TMCC1: variants seen among roughly 807,000 people sequenced by gnomAD.
The protein encoded by TMCC1 is transmembrane and coiled-coil domain family 1, also known as transmembrane and coiled-coil domains protein 1.
TMCC1 carries 15 observed loss-of-function variants against 52.4 expected under a neutral mutation model. The ratio of observed to expected loss-of-function variants is 0.29; its 90% CI spans 0.19 to 0.44. The LOEUF (loss-of-function observed/expected upper bound fraction) is 0.44. Ranked by LOEUF, TMCC1 falls within the 20% of genes least tolerant of loss-of-function variation. The pLI is 1.00. For synonymous variants in TMCC1, 279 were observed against 301.9 expected, an observed-to-expected ratio of 0.92 and a Z score of 0.79; for missense variants, 503 against 806.0, an observed-to-expected ratio of 0.62 and a Z score of 4.55.
Position 129,755,370 on chromosome 3 carries a change from A to G in TMCC1, c.576+72433T>C, listed in dbSNP as rs534898099. 2.6e-5 allele frequency among the ~76,000 whole-genome samples: 4 copies of G among 152,306 alleles called. No individual in the cohort carries two copies. The South Asian group carries it at 8.3e-4, about 32-fold the overall frequency. On this transcript the variant is annotated intron_variant, in intron 4 of 6. Coordinates refer to ENST00000393238, the MANE Select transcript of TMCC1 (RefSeq NM_001017395.5). ...AAAAGTTGAAATTATTTAAAAAAGA[A>G]AAAAATTGGTGAGTTAGATTTCATT...
intron 4 of TMCC1, among the ~76,000 whole-genome samples, chr3:129,732,209 A>G (rs535698068): frequency 6.6e-6 from 1 of 152,112 alleles, no homozygotes; most frequent in Non-Finnish European, 1.5e-5. Flanking sequence ...CTTTCTTTCC[A>G]ATTTGTATGT....
chr3:129,855,370 T>C (rs2060106777), intron 2 of TMCC1, among the ~76,000 whole-genome samples: 1 of 152,168 alleles, frequency 6.6e-6, no homozygotes, highest in Admixed American at 6.5e-5. Flanking sequence ...GACAAATCAT[T>C]CCTTGTTTGT....
At chr3:129,804,596 T>C (rs1207381603) in intron 4 of TMCC1, among the ~76,000 whole-genome samples, 1 of 152,234 alleles carries the variant, frequency 6.6e-6, no homozygotes, top group East Asian at 1.9e-4. Context: ...TAAGTAATAC[T>C]ATTTTGGCTA....
chr3:129,658,524 T>C (rs764310930), intron 5 of TMCC1, among the ~76,000 whole-genome samples: 18 of 152,240 alleles, frequency 1.2e-4, no homozygotes, highest in African/African-American at 4.3e-4. Context: ...GACTGGGGCC[T>C]GAGATATTCT....
chr3:129,728,337 G>A (rs1015065874), intron 4 of TMCC1, among the ~76,000 whole-genome samples: 1 of 152,154 alleles, frequency 6.6e-6, no homozygotes, highest in Non-Finnish European at 1.5e-5. Flanking sequence ...CTAGACTGGA[G>A]TGCAATGGTG....
At chr3:129,734,755 A>T (rs2050810320) in intron 4 of TMCC1, among the ~76,000 whole-genome samples, 1 of 152,218 alleles carries the variant, frequency 6.6e-6, no homozygotes, top group South Asian at 2.1e-4. Context: ...GTCTCTGAAG[A>T]AGCGGAATGG....
At chr3:129,854,091 G>A (rs946341068) in intron 2 of TMCC1, among the ~76,000 whole-genome samples, 4 of 151,882 alleles carry the variant, frequency 2.6e-5, no homozygotes, top group African/African-American at 7.3e-5. Flanking sequence ...CATTTCAGTC[G>A]AGTGTTCTTA....
At position 129,827,790 on chromosome 3, in the gene TMCC1, C is replaced by A. The variant is rs780256045; in HGVS notation, c.576+13G>T. 1.9e-6 allele frequency: 3 copies of A among 1,605,862 alleles called. No homozygotes were observed. The highest frequency in any genetic ancestry group is 4.5e-5 in the East Asian group (2 of 44,660). On this transcript the variant is annotated intron_variant, in intron 4 of 6. Transcript: ENST00000393238. ...CAGTAAGTTAACAGAAAAACAAAATCTTACAAACTTACCCGCTCCGCAGTT... is the reference window on the plus strand; with the variant it reads ...CAGTAAGTTAACAGAAAAACAAAATATTACAAACTTACCCGCTCCGCAGTT...
intron 2 of TMCC1, chr3:129,848,253 T>G (rs1481347954): frequency 6.6e-6 from 1 of 152,202 alleles, no homozygotes; most frequent in Non-Finnish European, 1.5e-5. Flanking sequence ...ACTAAGATTT[T>G]CTCCTGTATT....
intron 2 of TMCC1, among the ~76,000 whole-genome samples, chr3:129,852,509 C>A: frequency 7.7e-6 from 1 of 130,524 alleles, no homozygotes. Flanking sequence ...TATACAACAA[C>A]GAAGATGAAC....
At chr3:129,688,341 T>A (rs1438036598) in intron 4 of TMCC1, 4 of 985,232 alleles carry the variant, frequency 4.1e-6, no homozygotes, top group Non-Finnish European at 4.8e-6. Flanking sequence ...AGAGGAGCTG[T>A]GGCATAGTCT....
chr3:129,725,153 A>G (rs932402083), intron 4 of TMCC1, among the ~76,000 whole-genome samples: 1 of 152,202 alleles, frequency 6.6e-6, no homozygotes, highest in South Asian at 2.1e-4. Flanking sequence ...TTGCTCTGCC[A>G]TCCAGGCTGA....
At chr3:129,724,524 G>A (rs2049920624) in intron 4 of TMCC1, among the ~76,000 whole-genome samples, 2 of 152,152 alleles carry the variant, frequency 1.3e-5, no homozygotes, top group Non-Finnish European at 2.9e-5. Flanking sequence ...GAATATTCTG[G>A]AAATACATTT....
intron 4 of TMCC1, among the ~76,000 whole-genome samples, chr3:129,693,497 G>T: frequency 7.2e-6 from 1 of 138,374 alleles, no homozygotes; most frequent in African/African-American, 2.5e-5. Context: ...CCTTCCCCAA[G>T]ATTGAATTTT....
rs1252716109 is a variant in TMCC1, at chr3:129,648,994, G to A, written c.*2487C>T. The A allele has an allele frequency of 6.6e-6, 1 of 152,220 alleles. No homozygotes were observed. Among genetic ancestry groups the A allele is most frequent in the Non-Finnish European group, 1.5e-5 (1 of 68,044 alleles). The allele number at this position is 152,220 out of a possible 1,614,324, so 9.4% of individuals were successfully genotyped here. On this transcript the variant is annotated 3_prime_UTR_variant, in exon 7 of 7. Coordinates refer to ENST00000393238, the MANE Select transcript of TMCC1 (RefSeq NM_001017395.5). ...GTCCTTCCTAAGACAGTTTGAGAAA[G>A]GAAGATAGAAAGTCAGCATGGGACT... is the stretch of plus-strand genomic sequence containing the variant.
At chr3:129,872,057 G>C (rs1303028901) in intron 2 of TMCC1, among the ~76,000 whole-genome samples, 1 of 152,200 alleles carries the variant, frequency 6.6e-6, no homozygotes, top group Non-Finnish European at 1.5e-5. Flanking sequence ...GAAAATATCT[G>C]TTAAAAATTT....
chr3:129,807,074 A>C (rs1195243684), intron 4 of TMCC1, among the ~76,000 whole-genome samples: 1 of 152,214 alleles, frequency 6.6e-6, no homozygotes, highest in Non-Finnish European at 1.5e-5. Context: ...CAAGCCCTAA[A>C]AGACTACATA....
intron 4 of TMCC1, among the ~76,000 whole-genome samples, chr3:129,770,226 A>G (rs2054446994): frequency 6.6e-6 from 1 of 152,144 alleles, no homozygotes; most frequent in Non-Finnish European, 1.5e-5. Context: ...ATTAAGAAAA[A>G]ATGTTTCAGC....
rs1379424492 is a variant in TMCC1, at chr3:129,670,290, CTA to C, written c.1511+38_1511+39del. 3 of 1,579,188 alleles carry C rather than the reference CTA, an allele frequency of 1.9e-6. No homozygotes were observed. The African/African-American group carries it at 4.1e-5, about 21-fold the overall frequency. ...CCCCATATCTAAAGGGAGGGGAACC[CTA>C]CACAAATAATTTCAGATATTAATTC... On this transcript the variant is annotated intron_variant, in intron 5 of 6. Coordinates refer to ENST00000393238, the MANE Select transcript of TMCC1 (RefSeq NM_001017395.5).
Sources: allele counts gnomAD v4.1 joint callset (sites outside exome capture counted in the v4.1 genomes callset), GRCh38; gene constraint gnomAD v4.1.1; transcripts MANE v1.5; gene names NCBI Gene and HGNC (gene_info 2026-07-23, HGNC 2026-07-21).